The following ZNF469 variants were observed in gnomAD, a reference collection of about 807,000 sequenced individuals.
ZNF469 encodes the protein zinc finger protein 469.
ZNF469 carries 1 observed loss-of-function variant against 1.0 expected under a neutral mutation model. That is an observed-to-expected ratio of 1.00 (90% CI 0.35 to 4.73). The LOEUF (loss-of-function observed/expected upper bound fraction) is 4.73, where lower values mean the gene tolerates loss of function less well. Among genes scored for constraint, ZNF469 ranks in the 30% most tolerant of loss-of-function variants. The pLI, the probability that ZNF469 is intolerant of heterozygous loss-of-function variation, is 0.16. For synonymous variants in ZNF469, 2,703 were observed against 2,363.4 expected (o/e 1.14, Z -4.17); for missense variants, 6,100 against 5,356.3 (o/e 1.14, Z -4.33).
intron 1 of ZNF469, among the ~76,000 whole-genome samples, chr16:88,389,429 T>G (rs1288179264): frequency 6.6e-6 from 1 of 152,258 alleles, no homozygotes; most frequent in Non-Finnish European, 1.5e-5. Flanking sequence ...CTGGCTTGCC[T>G]CCCCTGTCTG....
chr16:88,232,048 T>A, the ZNF469 span, among the ~76,000 whole-genome samples: 1 of 152,112 alleles, frequency 6.6e-6, no homozygotes. Flanking sequence ...CTCCTGGACC[T>A]GGAGCCTGGA....
the ZNF469 span, among the ~76,000 whole-genome samples, chr16:88,213,742 C>T: frequency 2.0e-5 from 3 of 152,148 alleles, 1 homozygote; most frequent in Admixed American, 2.0e-4. Flanking sequence ...GGCTCTTTTC[C>T]CAGTATTTCC....
At chr16:88,380,782 TCA>T (rs1236769813), upstream of ZNF469, among the ~76,000 whole-genome samples, 2 of 75,568 alleles carry the variant, frequency 2.6e-5, no homozygotes, top group African/African-American at 7.2e-5. Context: ...ACACATGCAC[TCA>T]CACACATGCA....
chr16:88,344,490 C>A, the ZNF469 span, among the ~76,000 whole-genome samples: 6 of 152,222 alleles, frequency 3.9e-5, no homozygotes, highest in Admixed American at 3.9e-4. Flanking sequence ...CAGTGCTGGG[C>A]ACAGGGCCTG....
chr16:88,372,320 T>A, the ZNF469 span, among the ~76,000 whole-genome samples: 2 of 39,080 alleles, frequency 5.1e-5, no homozygotes, highest in African/African-American at 1.9e-4. Flanking sequence ...ACCACCATCA[T>A]CACCATCACC....
At position 88,436,418 on chromosome 16, in the gene ZNF469, G is replaced by C. The variant is rs1250696434; in HGVS notation, c.8948G>C (p.Arg2983Pro). The C allele has an allele frequency of 1.3e-6, 2 of 1,548,834 alleles. No individual in the cohort carries two copies. Among genetic ancestry groups the C allele is most frequent in the Non-Finnish European group, 8.7e-7 (1 of 1,146,952 alleles). The stretch of plus-strand genomic sequence containing the variant: ...CCCTCCCACTGCCCCGAGGACGATC[G>C]GCCGGAGGCCATTCCTGAGCTGCAC... ...KLPSHCPEDD[R>P]PEAIPELHMV... The change falls in exon 3 of 3, where the codon CGG (arginine) becomes CCG (proline). Residue 2983 changes from arginine (R) to proline (P), a missense_variant. Physicochemically the swap from Arg to Pro is moderately radical, Grantham distance 103 (BLOSUM62 -2). Coordinates refer to ENST00000565624, the MANE Select transcript of ZNF469 (RefSeq NM_001367624.2).
At chr16:88,380,428 TTCACACATACACAG>T (rs1287798095), upstream of ZNF469, among the ~76,000 whole-genome samples, 1 of 74,486 alleles carries the variant, frequency 1.3e-5, no homozygotes, top group African/African-American at 5.0e-5. Flanking sequence ...CACAGATGCA[TTCACACATACACAG>T]TCACACACAG....
chr16:88,407,588 T>G (rs114965553), intron 1 of ZNF469, among the ~76,000 whole-genome samples: 2,067 of 152,364 alleles, frequency 0.014, 47 homozygotes, highest in African/African-American at 0.047. Context: ...GTCCCCGTTT[T>G]GTGCAGGGGA....
the ZNF469 span, among the ~76,000 whole-genome samples, chr16:88,143,462 C>A: frequency 7.9e-5 from 12 of 152,230 alleles, no homozygotes; most frequent in East Asian, 1.5e-3. Context: ...GATGCCCCCC[C>A]ACTCCTTCCC....
intron 1 of ZNF469, among the ~76,000 whole-genome samples, chr16:88,417,600 G>T (rs1354404743): frequency 6.6e-6 from 1 of 152,192 alleles, no homozygotes; most frequent in Non-Finnish European, 1.5e-5. Context: ...CCCCGCACAT[G>T]GTCCCTCTTC....
the ZNF469 span, among the ~76,000 whole-genome samples, chr16:88,316,435 A>C: frequency 6.6e-6 from 1 of 151,464 alleles, no homozygotes; most frequent in Non-Finnish European, 1.5e-5. Context: ...CGGGGTTTTC[A>C]TGAGGGTGAT....
At chr16:88,253,694 T>TG in the ZNF469 span, among the ~76,000 whole-genome samples, 3 of 151,784 alleles carry the variant, frequency 2.0e-5, no homozygotes, top group African/African-American at 7.3e-5. Flanking sequence ...CCAGCCACCA[T>TG]GCCTTGGCTA....
chr16:88,164,165 T>TGGATGG, the ZNF469 span, among the ~76,000 whole-genome samples: 1 of 148,840 alleles, frequency 6.7e-6, no homozygotes, highest in Non-Finnish European at 1.5e-5. Context: ...TAGATGAATG[T>TGGATGG]ATGGATGGAT....
the ZNF469 span, among the ~76,000 whole-genome samples, chr16:88,258,157 A>G: frequency 6.6e-6 from 1 of 152,240 alleles, no homozygotes; most frequent in Non-Finnish European, 1.5e-5. Flanking sequence ...CATAACAGAG[A>G]AAGAAACATA....
At chr16:88,340,119 C>A in the ZNF469 span, among the ~76,000 whole-genome samples, 1 of 152,180 alleles carries the variant, frequency 6.6e-6, no homozygotes, top group Non-Finnish European at 1.5e-5. Context: ...CCCCTCACCA[C>A]CCCTTCTCCT....
the ZNF469 span, among the ~76,000 whole-genome samples, chr16:88,239,170 C>G: frequency 6.6e-6 from 1 of 152,024 alleles, no homozygotes; most frequent in Non-Finnish European, 1.5e-5. Flanking sequence ...GGGGTTGTGC[C>G]GAAGTCTCTG....
the ZNF469 span, among the ~76,000 whole-genome samples, chr16:88,184,967 C>T: frequency 4.6e-5 from 7 of 152,144 alleles, no homozygotes; most frequent in Admixed American, 2.0e-4. Context: ...CTCATGCACA[C>T]GCAAGACTTA....
chr16:88,347,747 G>C, the ZNF469 span, among the ~76,000 whole-genome samples: 1 of 152,116 alleles, frequency 6.6e-6, no homozygotes, highest in East Asian at 1.9e-4. Flanking sequence ...CGCCTTTCCA[G>C]CCTTGGCTCA....
In ZNF469 at chr16:88,428,865, C is replaced by T. The variant is rs1031554679; in HGVS notation, c.1395C>T (p.Asn465=). ...PLAATRSMFF[N]GQPSPGQRLC... ...CTGCCACCAGGAGTATGTTCTTTAA[C>T]GGCCAGCCCAGCCCAGGCCAGCGGC... Residue 465 remains asparagine (N), a synonymous_variant, in exon 3 of 3, where the codon AAC becomes AAT. Transcript: ENST00000565624. 6.3e-5 allele frequency: 98 copies of T among 1,548,500 alleles called. No individual in the cohort carries two copies. The highest frequency in any genetic ancestry group is 3.3e-4 in the Middle Eastern group (2 of 6,008).
Sources: allele counts gnomAD v4.1 joint callset (sites outside exome capture counted in the v4.1 genomes callset), GRCh38; gene constraint gnomAD v4.1.1; transcripts MANE v1.5; gene names NCBI Gene and HGNC (gene_info 2026-07-23, HGNC 2026-07-21).